PLCXD3: variants seen among roughly 807,000 people sequenced by gnomAD.
PLCXD3 encodes the protein PI-PLC X domain-containing protein 3.
In PLCXD3, 19 loss-of-function variants were observed where a neutral mutation model predicts 25.5. The ratio of observed to expected loss-of-function variants is 0.75; its 90% CI spans 0.52 to 1.09. PLCXD3 has a LOEUF of 1.09. PLCXD3 is among the 50% of genes least tolerant of loss of function. The pLI, the probability that PLCXD3 is intolerant of heterozygous loss-of-function variation, is 0.00. For missense variants in PLCXD3, 411 were observed against 388.1 expected (o/e 1.06, Z -0.50); for synonymous variants, 174 against 137.6 (o/e 1.26, Z -1.85).
intron 1 of PLCXD3, among the ~76,000 whole-genome samples, chr5:41,447,884 G>A (rs1747540011): frequency 6.6e-6 from 1 of 152,318 alleles, no homozygotes; most frequent in Non-Finnish European, 1.5e-5. Context: ...TCATCATCTG[G>A]TTACATGCTG....
Position 41,310,474 on chromosome 5 carries a change from G to C in PLCXD3, c.*3143C>G, listed in dbSNP as rs1580289223. ...AGTAAAACAAAAAGTGCACCAAGGT[G>C]TATCTACCACCATCTTGGCGCCCAT... On this transcript the variant is annotated 3_prime_UTR_variant, in exon 3 of 3. Transcript: ENST00000377801. The C allele has an allele frequency of 6.6e-6, 1 of 152,426 alleles. No individual in the cohort carries two copies. Among genetic ancestry groups the C allele is most frequent in the African/African-American group, 2.4e-5 (1 of 41,560 alleles). The allele number at this position is 152,426 out of a possible 1,614,324, so 9.4% of individuals were successfully genotyped here.
intron 1 of PLCXD3, among the ~76,000 whole-genome samples, chr5:41,453,362 T>C (rs1747680726): frequency 6.6e-6 from 1 of 151,912 alleles, no homozygotes; most frequent in Non-Finnish European, 1.5e-5. Flanking sequence ...TGTCTTTTTT[T>C]TTTTTTAATG....
In PLCXD3 at chr5:41,313,397, G is replaced by A. The variant is rs1383245162; in HGVS notation, c.*220C>T. ...TCTTTTTTTTTTATTCCTAACACTA[G>A]AAGTAGATTTTGCTCATCAAATGGG... On this transcript the variant is annotated 3_prime_UTR_variant, in exon 3 of 3. Coordinates refer to ENST00000377801, the MANE Select transcript of PLCXD3 (RefSeq NM_001005473.3). The A allele has an allele frequency of 1.1e-5, 5 of 475,594 alleles. No individual in the cohort carries two copies. The highest frequency in any genetic ancestry group is 1.8e-5 in the Non-Finnish European group (5 of 273,378). 29.5% of individuals were successfully genotyped at this position (475,594 alleles called of 1,614,324 possible).
chr5:41,318,546 G>A (rs1324244107), intron 2 of PLCXD3, among the ~76,000 whole-genome samples: 1 of 152,116 alleles, frequency 6.6e-6, no homozygotes, highest in Non-Finnish European at 1.5e-5. Context: ...TGACTTATAA[G>A]ATGGTATTTG....
At position 41,312,831 on chromosome 5, in the gene PLCXD3, A is replaced by C. The variant is rs140169228; in HGVS notation, c.*786T>G. ...TTAACACACTTGTACCTTACCATTT[A>C]CTGGGTACTTGCAGGGCAATATTAT... On this transcript the variant is annotated 3_prime_UTR_variant, in exon 3 of 3. Coordinates refer to ENST00000377801, the MANE Select transcript of PLCXD3 (RefSeq NM_001005473.3). 733 of 152,424 alleles carry C rather than the reference A, an allele frequency of 4.8e-3. 4 individuals are homozygous for C. The highest frequency in any genetic ancestry group is 7.5e-3 in the Non-Finnish European group (511 of 67,994). The allele number at this position is 152,424 out of a possible 1,614,324, so 9.4% of individuals were successfully genotyped here.
At chr5:41,387,323 AGC>A (rs1407653839) in intron 1 of PLCXD3, among the ~76,000 whole-genome samples, 1 of 152,090 alleles carries the variant, frequency 6.6e-6, no homozygotes, top group African/African-American at 2.4e-5. Context: ...CATGATCCTG[AGC>A]AGAGGATCCA....
In PLCXD3 at chr5:41,389,890, G is replaced by A. The variant is rs561631958; in HGVS notation, c.104-7356C>T. Among the ~76,000 whole-genome samples, 282 of 152,044 alleles carry A rather than the reference G, an allele frequency of 1.9e-3. 1 individual carries two copies. The highest frequency in any genetic ancestry group is 6.6e-3 in the African/African-American group (272 of 41,482). ...AGACAGTAAAATGTATTCATTTTAA[G>A]TATACAATTCTGTGAGTTTGAAAAA... is the stretch of plus-strand genomic sequence containing the variant. On this transcript the variant is annotated intron_variant, in intron 1 of 2. Coordinates refer to ENST00000377801, the MANE Select transcript of PLCXD3 (RefSeq NM_001005473.3).
At chr5:41,316,862 C>T (rs567188191) in intron 2 of PLCXD3, among the ~76,000 whole-genome samples, 2 of 152,260 alleles carry the variant, frequency 1.3e-5, no homozygotes, top group East Asian at 3.9e-4. Flanking sequence ...AGATAAATTT[C>T]TAAGGTTTTT....
intron 1 of PLCXD3, among the ~76,000 whole-genome samples, chr5:41,424,834 C>T (rs765911188): frequency 6.6e-6 from 1 of 152,088 alleles, no homozygotes; most frequent in Non-Finnish European, 1.5e-5. Flanking sequence ...AAATGAGTGT[C>T]TTGATTTGGG....
At chr5:41,496,698 C>A (rs1295696678) in intron 1 of PLCXD3, among the ~76,000 whole-genome samples, 1 of 148,704 alleles carries the variant, frequency 6.7e-6, no homozygotes, top group Non-Finnish European at 1.5e-5. Context: ...TAAAGGGATT[C>A]CATTAAGTTG....
At position 41,318,900 on chromosome 5, in the gene PLCXD3, A is replaced by G. The variant is rs115411807; in HGVS notation, c.813-5130T>C. Among the ~76,000 whole-genome samples, 251 of 152,292 alleles carry G rather than the reference A, an allele frequency of 1.6e-3. 1 individual carries two copies. Among genetic ancestry groups the G allele is most frequent in the Non-Finnish European group, 2.7e-3 (181 of 68,008 alleles). On this transcript the variant is annotated intron_variant, in intron 2 of 2. Transcript: ENST00000377801. ...ACATAGACCGAAAATAAAGGGTTGGAAAAAGATTCCACACCACTGGAAACA... is the reference window on the plus strand; with the variant it reads ...ACATAGACCGAAAATAAAGGGTTGGGAAAAGATTCCACACCACTGGAAACA...
chr5:41,396,121 A>G (rs1209429570), intron 1 of PLCXD3, among the ~76,000 whole-genome samples: 1 of 152,190 alleles, frequency 6.6e-6, no homozygotes, highest in Non-Finnish European at 1.5e-5. Context: ...ATAGATTAGA[A>G]AGATCATTCA....
At chr5:41,490,972 G>T (rs943786213) in intron 1 of PLCXD3, among the ~76,000 whole-genome samples, 3 of 152,130 alleles carry the variant, frequency 2.0e-5, no homozygotes, top group African/African-American at 7.2e-5. Context: ...CTTGCCTTCT[G>T]CTAGCTTTTG....
At chr5:41,394,032 C>G (rs1240824442) in intron 1 of PLCXD3, among the ~76,000 whole-genome samples, 2 of 149,438 alleles carry the variant, frequency 1.3e-5, no homozygotes, top group Non-Finnish European at 3.0e-5. Flanking sequence ...TACTCTTATC[C>G]TAAGTAAAAA....
chr5:41,485,406 A>T (rs1257422046), intron 1 of PLCXD3, among the ~76,000 whole-genome samples: 1 of 152,126 alleles, frequency 6.6e-6, no homozygotes, highest in Non-Finnish European at 1.5e-5. Context: ...AGTTTGCCAA[A>T]ACCTTCAACC....
intron 1 of PLCXD3, among the ~76,000 whole-genome samples, chr5:41,449,695 G>A (rs1208034203): frequency 6.6e-6 from 1 of 152,124 alleles, no homozygotes. Flanking sequence ...TACTATAGGA[G>A]TGCCTCAGAG....
rs541253960 is a variant in PLCXD3, at chr5:41,312,758, G to A, written c.*859C>T. ...CTTCTGTCTTTTTCTTTCATCAAGA[G>A]CATCATTAAGAGGGCTTTTTAAAGA... On this transcript the variant is annotated 3_prime_UTR_variant, in exon 3 of 3. Transcript: ENST00000377801. 2 of 133,818 alleles carry A rather than the reference G, an allele frequency of 1.5e-5. No homozygotes were observed. Among genetic ancestry groups the A allele is most frequent in the South Asian group, 2.4e-4 (1 of 4,092 alleles). 8.3% of individuals were successfully genotyped at this position (133,818 alleles called of 1,614,324 possible). A position where few individuals can be genotyped will look rare whatever the true frequency, so the allele number is the denominator to read the frequency against.
intron 1 of PLCXD3, among the ~76,000 whole-genome samples, chr5:41,418,703 C>G (rs1007336869): frequency 6.6e-6 from 1 of 152,132 alleles, no homozygotes; most frequent in Non-Finnish European, 1.5e-5. Flanking sequence ...GCCACACTGC[C>G]TCCCCACACT....
intron 1 of PLCXD3, among the ~76,000 whole-genome samples, chr5:41,440,227 T>TC (rs1747352477): frequency 1.0e-5 from 1 of 96,318 alleles, no homozygotes; most frequent in Non-Finnish European, 2.3e-5. Flanking sequence ...TTTTTTTTTT[T>TC]TTTTTTTTTT....
Sources: gnomAD v4.1 joint callset for allele counts (sites outside exome capture counted in the v4.1 genomes callset) on GRCh38, gnomAD v4.1.1 for gene constraint, MANE v1.5 for transcripts, NCBI Gene and HGNC (gene_info 2026-07-23, HGNC 2026-07-21) for gene names.